The following XRRA1 variants were observed in gnomAD, a reference collection of about 807,000 sequenced individuals.
XRRA1 encodes the protein X-ray radiation resistance-associated protein 1.
In XRRA1, 69 loss-of-function variants were observed where a neutral mutation model predicts 80.2. That is an observed-to-expected ratio of 0.86 (90% CI 0.71 to 1.05). The LOEUF (loss-of-function observed/expected upper bound fraction) is 1.05. Ranked by LOEUF, XRRA1 falls within the 50% of genes least tolerant of loss-of-function variation. The pLI is 0.00. For missense variants in XRRA1, 967 were observed against 976.4 expected (o/e 0.99, Z 0.13); for synonymous variants, 348 against 389.9 (o/e 0.89, Z 1.27).
At chr11:74,884,354 T>TAAAGG (rs2048497321) in intron 10 of XRRA1, among the ~76,000 whole-genome samples, 1 of 152,010 alleles carries the variant, frequency 6.6e-6, no homozygotes, top group Non-Finnish European at 1.5e-5. Flanking sequence ...ACATGTACAG[T>TAAAGG]AAAGGAATGG....
chr11:74,886,060 C>T (rs1283243619), intron 10 of XRRA1, among the ~76,000 whole-genome samples: 1 of 152,062 alleles, frequency 6.6e-6, no homozygotes, highest in Non-Finnish European at 1.5e-5. Flanking sequence ...AAGGAATAAA[C>T]CTTAAAATAA....
chr11:74,888,460 G>C (rs1448713957), intron 10 of XRRA1, among the ~76,000 whole-genome samples: 2 of 152,134 alleles, frequency 1.3e-5, no homozygotes, highest in Non-Finnish European at 2.9e-5. Flanking sequence ...AAACCACAAA[G>C]ATGGGGAAAA....
At chr11:74,883,378 G>A (rs534548174) in intron 10 of XRRA1, among the ~76,000 whole-genome samples, 10 of 152,176 alleles carry the variant, frequency 6.6e-5, no homozygotes, top group African/African-American at 1.7e-4. Flanking sequence ...GCTCGCACAC[G>A]GTGTGCGCAC....
At chr11:74,909,350 C>T (rs1275184311) in intron 8 of XRRA1, among the ~76,000 whole-genome samples, 1 of 152,182 alleles carries the variant, frequency 6.6e-6, no homozygotes, top group Non-Finnish European at 1.5e-5. Flanking sequence ...TGAGCTATTA[C>T]AGAACAGTGC....
At chr11:74,888,840 G>A (rs1025490148) in intron 10 of XRRA1, among the ~76,000 whole-genome samples, 14 of 152,112 alleles carry the variant, frequency 9.2e-5, no homozygotes, top group African/African-American at 2.2e-4. Flanking sequence ...GAAATGAAGC[G>A]AGAAGAGAAA....
chr11:74,933,220 T>C (rs1263111803), intron 5 of XRRA1: 6 of 152,308 alleles, frequency 3.9e-5, no homozygotes, highest in African/African-American at 7.2e-5. Context: ...CAAAATTACA[T>C]GGCAAATTCA....
chr11:74,879,903 C>CAAAG (rs1288133041), intron 10 of XRRA1, among the ~76,000 whole-genome samples: 1 of 151,946 alleles, frequency 6.6e-6, no homozygotes, highest in African/African-American at 2.4e-5. Flanking sequence ...CAATGTTCAT[C>CAAAG]AAAGATATGG....
intron 10 of XRRA1, among the ~76,000 whole-genome samples, chr11:74,870,445 C>T (rs747942349): frequency 5.3e-5 from 8 of 152,168 alleles, no homozygotes; most frequent in Admixed American, 1.3e-4. Context: ...TGTCGACTGC[C>T]ATGTCTCCTA....
intron 11 of XRRA1, among the ~76,000 whole-genome samples, chr11:74,859,893 C>A (rs1276627718): frequency 1.3e-5 from 2 of 152,042 alleles, no homozygotes. Flanking sequence ...TCTTTTCATA[C>A]AACCCAGACT....
At chr11:74,843,677 G>A in intron 18 of XRRA1, 177 bp downstream of exon 18, 2 of 805,712 alleles carry the variant, frequency 2.5e-6, no homozygotes, top group South Asian at 3.6e-5. Context: ...CATGCTGTGT[G>A]ATTTTAGGCA....
At chr11:74,939,603 T>C (rs886910688) in intron 3 of XRRA1, among the ~76,000 whole-genome samples, 4 of 152,282 alleles carry the variant, frequency 2.6e-5, no homozygotes, top group African/African-American at 9.6e-5. Flanking sequence ...ACTCAACTTG[T>C]ATTTTTTCTG....
At chr11:74,918,327 C>T (rs1939470865) in intron 8 of XRRA1, among the ~76,000 whole-genome samples, 1 of 117,186 alleles carries the variant, frequency 8.5e-6, no homozygotes, top group Non-Finnish European at 2.0e-5. Flanking sequence ...TGTGTGTGTG[C>T]ACTCGCATGC....
In XRRA1 at chr11:74,921,295, C is replaced by T. The variant is rs1940699690; in HGVS notation, c.575G>A (p.Gly192Glu). Residue 192 changes from glycine (G) to glutamate (E), a missense_variant, in exon 8 of 19, where the codon GGG becomes GAG. Coordinates refer to ENST00000684022, the MANE Select transcript of XRRA1 (RefSeq NM_001378157.1). ...CAGGACACGGAGGTGTGGCAGAATCCCCAAATCACAGATGGCCTCCACAGT... is the reference window on the plus strand; with the variant it reads ...CAGGACACGGAGGTGTGGCAGAATCTCCAAATCACAGATGGCCTCCACAGT... The part of the protein sequence containing the change: ...SLTVEAICDL[G>E]ILPHLRVLLL... 4 of 1,613,768 alleles carry T rather than the reference C, an allele frequency of 2.5e-6. No individual in the cohort carries two copies. Among genetic ancestry groups the T allele is most frequent in the East Asian group, 4.5e-5 (2 of 44,898 alleles).
chr11:74,871,010 T>C (rs1193913336), intron 10 of XRRA1, among the ~76,000 whole-genome samples: 1 of 152,192 alleles, frequency 6.6e-6, no homozygotes, highest in Non-Finnish European at 1.5e-5. Context: ...AATATTTTAG[T>C]CCAGGCCATA....
intron 8 of XRRA1, among the ~76,000 whole-genome samples, chr11:74,915,516 G>A (rs1435523360): frequency 6.6e-6 from 1 of 152,122 alleles, no homozygotes; most frequent in East Asian, 1.9e-4. Context: ...TACTCAACCT[G>A]CCAATGGCAG....
intron 2 of XRRA1, among the ~76,000 whole-genome samples, chr11:74,943,997 T>C (rs879511753): frequency 2.0e-5 from 3 of 152,122 alleles, no homozygotes; most frequent in African/African-American, 4.8e-5. Context: ...AATTTTCGTA[T>C]TTTTTGTAGG....
intron 10 of XRRA1, among the ~76,000 whole-genome samples, chr11:74,864,693 T>C (rs2043022400): frequency 6.6e-6 from 1 of 152,248 alleles, no homozygotes; most frequent in Admixed American, 6.5e-5. Context: ...GTGGAAAGGC[T>C]TGTCTGCCTG....
chr11:74,937,150 A>G (rs1945197217), intron 3 of XRRA1, 82 bp from the exon 4 acceptor site: 1 of 1,407,238 alleles, frequency 7.1e-7, no homozygotes, highest in Non-Finnish European at 9.5e-7. Flanking sequence ...TTATAATACT[A>G]AAACCAAAAA....
intron 10 of XRRA1, among the ~76,000 whole-genome samples, chr11:74,868,547 G>C (rs1425668892): frequency 6.6e-6 from 1 of 152,104 alleles, no homozygotes; most frequent in South Asian, 2.1e-4. Context: ...GGCACAGAGT[G>C]ATCAGTTGAA....
Sources: gnomAD v4.1 joint callset for allele counts (sites outside exome capture counted in the v4.1 genomes callset) on GRCh38, gnomAD v4.1.1 for gene constraint, MANE v1.5 for transcripts, NCBI Gene and HGNC (gene_info 2026-07-23, HGNC 2026-07-21) for gene names.